PTDSS1: variants seen among roughly 807,000 people sequenced by gnomAD.
PTDSS1 encodes PSS-1.
Under a neutral mutation model 70.5 loss-of-function variants are expected in PTDSS1, and 45 were observed. The observed-to-expected ratio is 0.64, with a 90% CI of 0.50 to 0.82. PTDSS1 has a LOEUF of 0.82. Ranked by LOEUF, PTDSS1 falls within the 40% of genes least tolerant of loss-of-function variation. PTDSS1 has a pLI of 0.00. For synonymous variants in PTDSS1, 188 were observed against 203.8 expected, an observed-to-expected ratio of 0.92 and a Z score of 0.66; for missense variants, 417 against 586.1, an observed-to-expected ratio of 0.71 and a Z score of 2.98.
At position 96,262,172 on chromosome 8, in the gene PTDSS1, C is replaced by T; in HGVS notation, c.132C>T (p.Thr44=). 1 of 1,613,916 alleles carries T rather than the reference C, an allele frequency of 6.2e-7. No individual in the cohort carries two copies. The highest frequency in any genetic ancestry group is 1.1e-5 in the South Asian group (1 of 91,084). ...IDFFYRPHTI[T]LLSFTIVSLM... ...TCTTCTACCGGCCGCATACCATCACCCTGCTCAGCTTCACCATCGTCAGCC... is the reference window on the plus strand; with the variant it reads ...TCTTCTACCGGCCGCATACCATCACTCTGCTCAGCTTCACCATCGTCAGCC... Residue 44 remains threonine, a synonymous_variant, in exon 1 of 13, where the codon ACC becomes ACT. Transcript: ENST00000517309. The surrounding 1 kb of genome is among the most constrained non-coding windows in gnomAD (Gnocchi z 4.4).
At position 96,331,115 on chromosome 8, in the gene PTDSS1, T is replaced by A; in HGVS notation, c.1312+20T>A. ...CAAAAGGTATCTTGTTCTTGTTCGT[T>A]GTTTAAAATTTTACTGGGTCCTTGA... On this transcript the variant is annotated intron_variant, in intron 12 of 12. Coordinates refer to ENST00000517309, the MANE Select transcript of PTDSS1 (RefSeq NM_014754.3). 1.3e-6 allele frequency: 2 copies of A among 1,547,322 alleles called. No individual in the cohort carries two copies. Among genetic ancestry groups the A allele is most frequent in the Non-Finnish European group, 1.8e-6 (2 of 1,119,670 alleles).
At chr8:96,300,726 C>T (rs1406758648) in intron 6 of PTDSS1, among the ~76,000 whole-genome samples, 3 of 152,184 alleles carry the variant, frequency 2.0e-5, no homozygotes, top group East Asian at 3.8e-4. Flanking sequence ...TTTTAAAGGG[C>T]TTCTTTGTAC....
intron 7 of PTDSS1, 61 bp from the exon 8 acceptor site, chr8:96,306,383 G>A: frequency 8.8e-7 from 1 of 1,142,110 alleles, no homozygotes; most frequent in Non-Finnish European, 1.3e-6. Context: ...TCTATTTAAG[G>A]AATAGAGGAT....
intron 12 of PTDSS1, 36 bp from the exon 13 acceptor site, chr8:96,333,421 C>T (rs758459682): frequency 5.7e-6 from 9 of 1,566,072 alleles, no homozygotes; most frequent in Admixed American, 1.7e-5. Context: ...ATCTCCAGAG[C>T]CCAGGGTGAC....
At chr8:96,328,614 C>T (rs1316050181) in intron 10 of PTDSS1, among the ~76,000 whole-genome samples, 7 of 152,204 alleles carry the variant, frequency 4.6e-5, no homozygotes, top group African/African-American at 1.7e-4. Context: ...CTCCACGCTG[C>T]CACTGTTCCT....
At chr8:96,308,784 T>C (rs1343196130) in intron 8 of PTDSS1, among the ~76,000 whole-genome samples, 1 of 152,186 alleles carries the variant, frequency 6.6e-6, no homozygotes, top group Admixed American at 6.5e-5. Context: ...CCTTTTTACT[T>C]TTTTAACATG....
intron 12 of PTDSS1, 85 bp downstream of exon 12, chr8:96,331,180 T>G: frequency 7.5e-7 from 1 of 1,342,114 alleles, no homozygotes; most frequent in Non-Finnish European, 1.1e-6. Context: ...GGAGATGATA[T>G]AAGCCTTGAA....
intron 1 of PTDSS1, among the ~76,000 whole-genome samples, chr8:96,265,825 C>T (rs771280903): frequency 1.3e-5 from 2 of 152,234 alleles, no homozygotes; most frequent in East Asian, 3.8e-4. Context: ...GGTGCAATGG[C>T]TTACGCCGGT....
intron 4 of PTDSS1, among the ~76,000 whole-genome samples, chr8:96,291,147 T>C (rs1331014564): frequency 1.3e-5 from 2 of 152,090 alleles, no homozygotes; most frequent in Admixed American, 1.3e-4. Context: ...CATCCCATGC[T>C]GGTGGGAGTG....
intron 10 of PTDSS1, among the ~76,000 whole-genome samples, chr8:96,320,959 C>T (rs767293533): frequency 6.6e-6 from 1 of 152,246 alleles, no homozygotes; most frequent in Non-Finnish European, 1.5e-5. Context: ...TACCCACTTA[C>T]ACATTTTGTA....
intron 8 of PTDSS1, among the ~76,000 whole-genome samples, chr8:96,307,072 C>G (rs1383306011): frequency 6.6e-6 from 1 of 152,114 alleles, no homozygotes; most frequent in African/African-American, 2.4e-5. Context: ...CATTATTCCC[C>G]TGGATTAATG....
chr8:96,271,165 T>G (rs1810560751), intron 1 of PTDSS1, among the ~76,000 whole-genome samples: 2 of 152,212 alleles, frequency 1.3e-5, no homozygotes, highest in Non-Finnish European at 2.9e-5. Context: ...TTTTTCCTCT[T>G]TGGAGAAAAC....
intron 4 of PTDSS1, among the ~76,000 whole-genome samples, chr8:96,290,693 A>G (rs1481076985): frequency 6.6e-6 from 1 of 152,062 alleles, no homozygotes; most frequent in Non-Finnish European, 1.5e-5. Context: ...TATGCAAGAC[A>G]GGTCTATAAT....
At chr8:96,286,284 C>G (rs536769819) in intron 3 of PTDSS1, among the ~76,000 whole-genome samples, 1 of 152,350 alleles carries the variant, frequency 6.6e-6, no homozygotes, top group South Asian at 2.1e-4. Flanking sequence ...TGAAATCTCT[C>G]TAAAACGTAT....
At chr8:96,274,208 C>T (rs533007173) in intron 2 of PTDSS1, among the ~76,000 whole-genome samples, 2 of 151,944 alleles carry the variant, frequency 1.3e-5, no homozygotes, top group African/African-American at 4.8e-5. Context: ...GGTTATTCTC[C>T]ATGGGCCGGA....
intron 4 of PTDSS1, among the ~76,000 whole-genome samples, chr8:96,287,604 G>A (rs957216737): frequency 1.3e-5 from 2 of 152,124 alleles, no homozygotes; most frequent in African/African-American, 4.8e-5. Flanking sequence ...CCTGGGTCAC[G>A]GTGGCTGCCC....
intron 6 of PTDSS1, 40 bp downstream of exon 6, chr8:96,299,885 A>G (rs747976755): frequency 6.3e-7 from 1 of 1,578,328 alleles, no homozygotes; most frequent in South Asian, 1.2e-5. Flanking sequence ...ACAGTTTTTC[A>G]TGATATATAT....
chr8:96,333,737 C>A lies in PTDSS1; in HGVS notation c.*171C>A. 2.7e-6 allele frequency: 2 copies of A among 745,496 alleles called. No individual in the cohort carries two copies. Among genetic ancestry groups the A allele is most frequent in the South Asian group, 1.5e-5 (1 of 68,304 alleles). The allele number at this position is 745,496 out of a possible 1,614,324, so 46.2% of individuals were successfully genotyped here. A position where few individuals can be genotyped will look rare whatever the true frequency, so the allele number is the denominator to read the frequency against. ...AAGTCTTGTTTCCCACAGACCTGGCCGCGTCAGGCAGATCATCGCCTGGGG... is the reference window on the plus strand; with the variant it reads ...AAGTCTTGTTTCCCACAGACCTGGCAGCGTCAGGCAGATCATCGCCTGGGG... On this transcript the variant is annotated 3_prime_UTR_variant, in exon 13 of 13. Transcript: ENST00000517309.
chr8:96,333,679 C>A lies in PTDSS1; in HGVS notation c.*113C>A, dbSNP rs1406164494. The A allele has an allele frequency of 1.1e-5, 11 of 979,330 alleles. No homozygotes were observed. Among genetic ancestry groups the A allele is most frequent in the Non-Finnish European group, 1.6e-5 (10 of 616,120 alleles). The allele number at this position is 979,330 out of a possible 1,614,324, so 60.7% of individuals were successfully genotyped here. On this transcript the variant is annotated 3_prime_UTR_variant, in exon 13 of 13. Transcript: ENST00000517309. ...GGCGCACAGGGCAAGCAGGAAGAGG[C>A]GAGGGCACTTGGGGGTCATTATTTG...
Sources: gnomAD v4.1 joint callset for allele counts (sites outside exome capture counted in the v4.1 genomes callset) on GRCh38, gnomAD v4.1.1 for gene constraint, Gnocchi (gnomAD v3.1) non-coding constraint, MANE v1.5 for transcripts, NCBI Gene and HGNC (gene_info 2026-07-23, HGNC 2026-07-21) for gene names.